NTNG1: variants seen among roughly 807,000 people sequenced by gnomAD.
The protein encoded by NTNG1 is netrin G1.
In NTNG1, 16 loss-of-function variants were observed where a neutral mutation model predicts 54.0. The ratio of observed to expected loss-of-function variants is 0.30; its 90% CI spans 0.20 to 0.45. NTNG1 has a LOEUF of 0.45. NTNG1 is among the 20% of genes least tolerant of loss of function. The pLI, the probability that NTNG1 is intolerant of heterozygous loss-of-function variation, is 1.00. For synonymous variants in NTNG1, 255 were observed against 263.1 expected (o/e 0.97, Z 0.30); for missense variants, 530 against 678.7 (o/e 0.78, Z 2.43).
chr1:107,451,887 G>T (rs1676647905), intron 7 of NTNG1, among the ~76,000 whole-genome samples: 2 of 152,130 alleles, frequency 1.3e-5, no homozygotes, highest in Non-Finnish European at 2.9e-5. Context: ...TGAAACCAAA[G>T]TTTCCTGTCC....
At chr1:107,451,748 A>C (rs1179776552) in intron 7 of NTNG1, among the ~76,000 whole-genome samples, 2 of 152,130 alleles carry the variant, frequency 1.3e-5, no homozygotes, top group African/African-American at 4.8e-5. Context: ...TCAGCAACCA[A>C]ACATTTATTG....
chr1:107,186,879 G>A (rs943064955), intron 2 of NTNG1, among the ~76,000 whole-genome samples: 5 of 152,088 alleles, frequency 3.3e-5, no homozygotes, highest in African/African-American at 4.8e-5. Flanking sequence ...TATCTCTTGC[G>A]ATCCTTGTAA....
At chr1:107,460,367 C>T (rs1214485110) in intron 7 of NTNG1, 1 of 518,526 alleles carries the variant, frequency 1.9e-6, no homozygotes, top group African/African-American at 1.9e-5. Flanking sequence ...TTCTCCTCAG[C>T]TTTCCTTCTG....
intron 6 of NTNG1, among the ~76,000 whole-genome samples, chr1:107,432,152 C>T (rs1675308440): frequency 6.6e-6 from 1 of 152,170 alleles, no homozygotes; most frequent in African/African-American, 2.4e-5. Context: ...CGTTTGCTAG[C>T]TCATGGCTGT....
intron 2 of NTNG1, among the ~76,000 whole-genome samples, chr1:107,174,742 ATT>A (rs561651514): frequency 6.8e-6 from 1 of 146,400 alleles, no homozygotes; most frequent in Non-Finnish European, 1.5e-5. Context: ...AAATTTAGAG[ATT>A]TTTTTTTTTT....
chr1:107,398,868 A>G (rs1672848059), intron 4 of NTNG1, among the ~76,000 whole-genome samples: 1 of 152,120 alleles, frequency 6.6e-6, no homozygotes, highest in African/African-American at 2.4e-5. Context: ...CTTCATGCTT[A>G]ATTATGATTC....
intron 7 of NTNG1, among the ~76,000 whole-genome samples, chr1:107,448,350 C>T (rs147329418): frequency 6.6e-6 from 1 of 152,170 alleles, no homozygotes; most frequent in Non-Finnish European, 1.5e-5. Flanking sequence ...ACCCCATTGG[C>T]AGTTATCCCC....
At chr1:107,468,923 C>T (rs1677781572) in intron 7 of NTNG1, among the ~76,000 whole-genome samples, 2 of 152,058 alleles carry the variant, frequency 1.3e-5, no homozygotes, top group South Asian at 4.1e-4. Flanking sequence ...TGGTGAAACC[C>T]TGTCTCTACT....
intron 3 of NTNG1, among the ~76,000 whole-genome samples, chr1:107,377,785 C>T (rs988523839): frequency 4.6e-5 from 7 of 152,222 alleles, no homozygotes; most frequent in Admixed American, 2.0e-4. Flanking sequence ...TCTCCCTAGA[C>T]GTGTGGATGT....
intron 2 of NTNG1, among the ~76,000 whole-genome samples, chr1:107,150,880 T>A (rs1310979192): frequency 4.6e-5 from 7 of 152,198 alleles, no homozygotes; most frequent in Non-Finnish European, 8.8e-5. Flanking sequence ...ATTGGCTAAG[T>A]GATGTTAGAG....
At chr1:107,206,602 T>C (rs1659214418) in intron 2 of NTNG1, among the ~76,000 whole-genome samples, 1 of 152,172 alleles carries the variant, frequency 6.6e-6, no homozygotes, top group Non-Finnish European at 1.5e-5. Flanking sequence ...TGAATGAACA[T>C]ATAAAACATA....
intron 2 of NTNG1, among the ~76,000 whole-genome samples, chr1:107,152,050 A>G (rs1442340808): frequency 6.6e-6 from 1 of 151,476 alleles, no homozygotes; most frequent in Non-Finnish European, 1.5e-5. Flanking sequence ...ATATACATAC[A>G]TATATACACA....
intron 7 of NTNG1, among the ~76,000 whole-genome samples, chr1:107,461,992 T>C (rs1256858880): frequency 6.6e-6 from 1 of 152,190 alleles, no homozygotes; most frequent in Non-Finnish European, 1.5e-5. Flanking sequence ...AGGATTACAG[T>C]AGACCAGGTA....
At chr1:107,422,460 G>A (rs1038454515) in intron 5 of NTNG1, among the ~76,000 whole-genome samples, 5 of 152,066 alleles carry the variant, frequency 3.3e-5, no homozygotes, top group African/African-American at 4.8e-5. Flanking sequence ...GTTTCTTGAG[G>A]ACACAGCACC....
intron 5 of NTNG1, among the ~76,000 whole-genome samples, chr1:107,416,869 T>C (rs1383354707): frequency 6.6e-6 from 1 of 152,060 alleles, no homozygotes; most frequent in Non-Finnish European, 1.5e-5. Flanking sequence ...TGGAGAAAGC[T>C]AGTTAACCGA....
chr1:107,416,246 G>A (rs1431040195), intron 5 of NTNG1, among the ~76,000 whole-genome samples: 1 of 151,998 alleles, frequency 6.6e-6, no homozygotes, highest in Non-Finnish European at 1.5e-5. Flanking sequence ...TTCATATGAT[G>A]GCTGCTGGTG....
chr1:107,201,197 A>T (rs1335427678), intron 2 of NTNG1, among the ~76,000 whole-genome samples: 1 of 151,784 alleles, frequency 6.6e-6, no homozygotes, highest in Non-Finnish European at 1.5e-5. Context: ...GATGGAGTAA[A>T]CTTTACTTCT....
chr1:107,222,087 T>G lies in NTNG1; in HGVS notation c.246+73248T>G, dbSNP rs112138449. Among the ~76,000 whole-genome samples, 122 of 152,168 alleles carry G rather than the reference T, an allele frequency of 8.0e-4. 1 individual carries two copies. Among genetic ancestry groups the G allele is most frequent in the African/African-American group, 2.7e-3 (113 of 41,526 alleles). On this transcript the variant is annotated intron_variant, in intron 2 of 7. Coordinates refer to ENST00000370068, the MANE Select transcript of NTNG1 (RefSeq NM_001113226.3). ...CTTTGAATCTCCTTCTCTTCACCAC[T>G]TGGCCAACTCCTGCTCATCTTCCAT...
chr1:107,406,209 A>G (rs1433602189), intron 4 of NTNG1, among the ~76,000 whole-genome samples: 1 of 152,128 alleles, frequency 6.6e-6, no homozygotes, highest in African/African-American at 2.4e-5. Context: ...AAATAGTTTT[A>G]GGTTTTAAAG....
Sources: gnomAD v4.1 joint callset for allele counts (sites outside exome capture counted in the v4.1 genomes callset) on GRCh38, gnomAD v4.1.1 for gene constraint, MANE v1.5 for transcripts, NCBI Gene and HGNC (gene_info 2026-07-23, HGNC 2026-07-21) for gene names.